ERBIN: variants seen among roughly 807,000 people sequenced by gnomAD.
The protein encoded by ERBIN is densin-180-like protein.
Under a neutral mutation model 158.4 loss-of-function variants are expected in ERBIN, and 60 were observed. That is an observed-to-expected ratio of 0.38 (90% CI 0.31 to 0.47). The LOEUF is 0.47. Among genes scored for constraint, ERBIN ranks in the 20% least tolerant of loss-of-function variants. The probability of loss-of-function intolerance (pLI) is 0.99; values close to 1 mark genes in which losing one functional copy is unlikely to be tolerated. For missense variants in ERBIN, 1,610 were observed against 1,648.0 expected, an observed-to-expected ratio of 0.98 and a Z score of 0.40; for synonymous variants, 594 against 557.2, an observed-to-expected ratio of 1.07 and a Z score of -0.93.
At chr5:65,935,693 T>C (rs1436935462) in intron 1 of ERBIN, among the ~76,000 whole-genome samples, 2 of 152,176 alleles carry the variant, frequency 1.3e-5, no homozygotes, top group African/African-American at 4.8e-5. Flanking sequence ...AATTTCAGTA[T>C]GAGTGCAGTG....
chr5:66,078,630 T>A lies in ERBIN; in HGVS notation c.*100T>A. On this transcript the variant is annotated 3_prime_UTR_variant, in exon 26 of 26. Coordinates refer to ENST00000284037, the MANE Select transcript of ERBIN (RefSeq NM_001253697.2). Reference sequence around the variant, plus strand: ...ACTATTTTTATATATAAAGAAGAACTCAAAAAATTATGTTCAAATTTGTAC... The same window carrying A: ...ACTATTTTTATATATAAAGAAGAACACAAAAAATTATGTTCAAATTTGTAC... 1.3e-6 allele frequency: 1 copy of A among 744,396 alleles called. No homozygotes were observed. Among genetic ancestry groups the A allele is most frequent in the Non-Finnish European group, 2.3e-6 (1 of 441,712 alleles). The allele number at this position is 744,396 out of a possible 1,614,324, so 46.1% of individuals were successfully genotyped here.
rs920926846 is a variant in ERBIN at position 66,080,645 on chromosome 5, A to G, written c.*2115A>G. ...TCTACTTTTAATCAGAAATATATTT[A>G]ATAAGTATAATTGTGAAGTTTTCAA... is the stretch of plus-strand genomic sequence containing the variant. On this transcript the variant is annotated 3_prime_UTR_variant, in exon 26 of 26. Coordinates refer to ENST00000284037, the MANE Select transcript of ERBIN (RefSeq NM_001253697.2). The G allele has an allele frequency of 5.3e-5, 8 of 152,094 alleles. No individual in the cohort carries two copies. The highest frequency in any genetic ancestry group is 1.9e-4 in the African/African-American group (8 of 41,462). The allele number at this position is 152,094 out of a possible 1,614,324, so 9.4% of individuals were successfully genotyped here. A position where few individuals can be genotyped will look rare whatever the true frequency, so the allele number is the denominator to read the frequency against.
At chr5:66,026,503 T>C in intron 13 of ERBIN, 86 bp downstream of exon 13, 1 of 590,066 alleles carries the variant, frequency 1.7e-6, no homozygotes, top group Middle Eastern at 4.5e-4. Flanking sequence ...ATAGAATAGC[T>C]AGTGCTTGTT....
intron 4 of ERBIN, among the ~76,000 whole-genome samples, chr5:66,000,691 T>C (rs1204637779): frequency 1.3e-5 from 2 of 152,196 alleles, no homozygotes; most frequent in Admixed American, 1.3e-4. Context: ...AGGGACCACA[T>C]CTATTCTTTA....
chr5:66,075,336 A>T, intron 23 of ERBIN, 106 bp downstream of exon 23: 1 of 931,856 alleles, frequency 1.1e-6, no homozygotes, highest in South Asian at 1.7e-5. Context: ...CGTAGTTATT[A>T]CCATTTAAAG....
At chr5:65,951,175 G>A (rs1278276714) in intron 1 of ERBIN, among the ~76,000 whole-genome samples, 1 of 152,038 alleles carries the variant, frequency 6.6e-6, no homozygotes, top group African/African-American at 2.4e-5. Flanking sequence ...TATGATGAGG[G>A]GATGCTAATT....
chr5:66,052,274 AGTT>A (rs1759117527), intron 20 of ERBIN, among the ~76,000 whole-genome samples: 1 of 151,874 alleles, frequency 6.6e-6, no homozygotes, highest in South Asian at 2.1e-4. Context: ...AGTCATTTAG[AGTT>A]GTTCTTAAAT....
At position 66,018,517 on chromosome 5, in the gene ERBIN, ATAATATATATTATAT is replaced by A. The variant is rs1755171885; in HGVS notation, c.534-2802_534-2788del. On this transcript the variant is annotated intron_variant, in intron 7 of 25. Coordinates refer to ENST00000284037, the MANE Select transcript of ERBIN (RefSeq NM_001253697.2). Reference sequence around the variant, plus strand: ...TTATATAATATATATTATATATTATATAATATATATTATATTATATAATATATATTATATATTATA... The same window carrying A: ...TTATATAATATATATTATATATTATATATATAATATATATTATATATTATA... Among the ~76,000 whole-genome samples, 2 of 11,878 alleles carry A rather than the reference ATAATATATATTATAT, an allele frequency of 1.7e-4. 1 individual carries two copies. Among genetic ancestry groups the A allele is most frequent in the Non-Finnish European group, 3.2e-4 (2 of 6,282 alleles). The allele number at this position is 11,878 out of a possible 152,430, so 7.8% of individuals were successfully genotyped here. A position where few individuals can be genotyped will look rare whatever the true frequency, so the allele number is the denominator to read the frequency against.
At position 66,008,876 on chromosome 5, in the gene ERBIN, C is replaced by G. The variant is rs1180733280; in HGVS notation, c.308-3173C>G. 2.6e-5 allele frequency among the ~76,000 whole-genome samples: 4 copies of G among 152,132 alleles called. No individual in the cohort carries two copies. The East Asian group carries it at 5.8e-4, about 22-fold the overall frequency. On this transcript the variant is annotated intron_variant, in intron 4 of 25. Coordinates refer to ENST00000284037, the MANE Select transcript of ERBIN (RefSeq NM_001253697.2). ...CACAACCAAATCCATTCCATGTTTT[C>G]AAGGTCGGATCATTACTTGAAAATC...
intron 1 of ERBIN, among the ~76,000 whole-genome samples, chr5:65,982,716 T>A: frequency 6.6e-6 from 1 of 152,212 alleles, no homozygotes; most frequent in East Asian, 1.9e-4. Flanking sequence ...TAATTGGAAT[T>A]CTATTTGCTG....
intron 24 of ERBIN, 152 bp downstream of exon 24, chr5:66,076,560 A>G: frequency 1.5e-6 from 1 of 680,316 alleles, no homozygotes; most frequent in Non-Finnish European, 2.5e-6. Context: ...TTTGTTTTGT[A>G]ATTTGATCAG....
intron 1 of ERBIN, among the ~76,000 whole-genome samples, chr5:65,934,714 T>C (rs1239961748): frequency 1.3e-5 from 2 of 152,250 alleles, no homozygotes; most frequent in Non-Finnish European, 2.9e-5. Context: ...ATTCCCTGTT[T>C]GTAATTAACT....
In ERBIN at chr5:66,038,454, G is replaced by A; in HGVS notation, c.1278G>A (p.Met426Ile). The A allele has an allele frequency of 6.2e-7, 1 of 1,611,630 alleles. No homozygotes were observed. The highest frequency in any genetic ancestry group is 8.5e-7 in the Non-Finnish European group (1 of 1,178,444). ...AGAAAATGGTGCTTACCAACTACAT[G>A]TTCCCTCAACAGCCAAGGACTGAGG... Reference protein sequence around the residue: ...ETQKMVLTNYMFPQQPRTEDV... With the variant: ...ETQKMVLTNYIFPQQPRTEDV... The change falls in exon 15 of 26, where the codon ATG becomes ATA. Residue 426 changes from methionine (M) to isoleucine (I), a missense_variant. By Grantham distance (10) the Met-to-Ile change is conservative. Transcript: ENST00000284037.
At chr5:66,024,194 CTTGTA>C in intron 9 of ERBIN, 107 bp from the exon 10 acceptor site, 1 of 705,580 alleles carries the variant, frequency 1.4e-6, no homozygotes, top group Non-Finnish European at 2.2e-6. Flanking sequence ...AGTCTTCTTT[CTTGTA>C]TTAGCATTTA....
chr5:66,003,105 GT>G (rs1328816831), intron 4 of ERBIN, among the ~76,000 whole-genome samples: 7 of 152,182 alleles, frequency 4.6e-5, no homozygotes, highest in African/African-American at 1.7e-4. Context: ...CATCATTTGA[GT>G]TTGCAATTTC....
chr5:66,021,237 C>A lies in ERBIN; in HGVS notation c.534-85C>A. Reference sequence around the variant, plus strand: ...GAAAGCCCATAAATAATTACCTATTCCATAAGAATGTTTTAGACTGTTTTG... The same window carrying A: ...GAAAGCCCATAAATAATTACCTATTACATAAGAATGTTTTAGACTGTTTTG... On this transcript the variant is annotated intron_variant, in intron 7 of 25. Coordinates refer to ENST00000284037, the MANE Select transcript of ERBIN (RefSeq NM_001253697.2). The A allele has an allele frequency of 4.2e-6, 3 of 721,208 alleles. No individual in the cohort carries two copies. The South Asian group carries it at 6.7e-5, about 16-fold the overall frequency. The allele number at this position is 721,208 out of a possible 1,614,324, so 44.7% of individuals were successfully genotyped here. A position where few individuals can be genotyped will look rare whatever the true frequency, so the allele number is the denominator to read the frequency against.
At position 66,017,271 on chromosome 5, in the gene ERBIN, A is replaced by G. The variant is rs192177008; in HGVS notation, c.533+2546A>G. 8.5e-5 allele frequency among the ~76,000 whole-genome samples: 13 copies of G among 152,160 alleles called. No homozygotes were observed. In the East Asian group the frequency reaches 2.5e-3, roughly 29 times the overall value. ...TTTAATTTTTTTTAGGAACTTCTAT[A>G]CTGTTCTCCATAGTGGCTATATTAA... On this transcript the variant is annotated intron_variant, in intron 7 of 25. Coordinates refer to ENST00000284037, the MANE Select transcript of ERBIN (RefSeq NM_001253697.2).
intron 1 of ERBIN, among the ~76,000 whole-genome samples, chr5:65,938,371 CTTTT>C (rs4019046): frequency 1.2e-4 from 14 of 121,636 alleles, no homozygotes; most frequent in Non-Finnish European, 1.4e-4. Context: ...AGGCATAGGT[CTTTT>C]TTTTTTTTTT....
chr5:65,949,231 ACTT>A (rs376971423), intron 1 of ERBIN, among the ~76,000 whole-genome samples: 288 of 152,306 alleles, frequency 1.9e-3, no homozygotes, highest in South Asian at 3.7e-3. Context: ...GTATAGATCT[ACTT>A]CTGGCACTTG....
Sources: allele counts gnomAD v4.1 joint callset (sites outside exome capture counted in the v4.1 genomes callset), GRCh38; gene constraint gnomAD v4.1.1; transcripts MANE v1.5; gene names NCBI Gene and HGNC (gene_info 2026-07-23, HGNC 2026-07-21).